Variants in RABGAP1L observed in about 807,000 individuals in gnomAD.
RABGAP1L encodes rab GTPase-activating protein 1-like.
In RABGAP1L, 63 loss-of-function variants were observed where a neutral mutation model predicts 137.7. The ratio of observed to expected loss-of-function variants is 0.46; its 90% CI spans 0.37 to 0.56. RABGAP1L has a LOEUF of 0.56. RABGAP1L is among the 20% of genes least tolerant of loss of function. The pLI is 0.00. For synonymous variants in RABGAP1L, 431 were observed against 433.7 expected, an observed-to-expected ratio of 0.99 and a Z score of 0.08; for missense variants, 1,095 against 1,244.0, an observed-to-expected ratio of 0.88 and a Z score of 1.80.
intron 13 of RABGAP1L, among the ~76,000 whole-genome samples, chr1:174,616,937 G>T (rs1036469014): frequency 3.9e-5 from 6 of 152,168 alleles, no homozygotes; most frequent in African/African-American, 1.4e-4. Context: ...CTTTAATAAA[G>T]ATCCAGGAGA....
intron 14 of RABGAP1L, among the ~76,000 whole-genome samples, chr1:174,677,585 G>A (rs16847325): frequency 0.011 from 1,742 of 152,284 alleles, 38 homozygotes; most frequent in African/African-American, 0.037. Context: ...TGCCTTGGTA[G>A]CATAACCCCA....
chr1:174,491,235 A>G (rs1166785930), intron 13 of RABGAP1L, among the ~76,000 whole-genome samples: 1 of 152,110 alleles, frequency 6.6e-6, no homozygotes, highest in African/African-American at 2.4e-5. Context: ...GGCATACTCC[A>G]TGAGTATTGC....
chr1:174,577,520 G>A (rs1668471875), intron 13 of RABGAP1L, among the ~76,000 whole-genome samples: 1 of 151,990 alleles, frequency 6.6e-6, no homozygotes, highest in Non-Finnish European at 1.5e-5. Context: ...CACCACTGAG[G>A]ATCCAGCAGA....
intron 11 of RABGAP1L, among the ~76,000 whole-genome samples, chr1:174,361,226 T>G (rs983622634): frequency 1.2e-4 from 8 of 64,228 alleles, no homozygotes; most frequent in Admixed American, 7.4e-4. Context: ...TCCAGTTTTG[T>G]TTTTTTTTTT....
intron 19 of RABGAP1L, among the ~76,000 whole-genome samples, chr1:174,815,384 C>T (rs923827114): frequency 1.3e-5 from 2 of 152,186 alleles, no homozygotes; most frequent in African/African-American, 4.8e-5. Context: ...AAGTTTAACT[C>T]CTTATCCATA....
At chr1:174,941,943 T>C (rs1260190396) in intron 19 of RABGAP1L, among the ~76,000 whole-genome samples, 2 of 152,184 alleles carry the variant, frequency 1.3e-5, no homozygotes, top group East Asian at 1.9e-4. Context: ...TTTCTTTGTA[T>C]CCCACATAGC....
At chr1:174,699,439 A>C in intron 15 of RABGAP1L, 86 bp from the exon 16 acceptor site, 1 of 1,268,962 alleles carries the variant, frequency 7.9e-7, no homozygotes, top group Non-Finnish European at 1.1e-6. Context: ...CTACTTATGC[A>C]GAGGACTAAT....
intron 11 of RABGAP1L, among the ~76,000 whole-genome samples, chr1:174,306,201 T>C (rs1003295313): frequency 1.9e-4 from 29 of 152,220 alleles, no homozygotes; most frequent in African/African-American, 6.0e-4. Flanking sequence ...TCTTTGCTAT[T>C]GTGAGTAGTG....
chr1:174,832,074 C>T (rs1001826370), intron 19 of RABGAP1L, among the ~76,000 whole-genome samples: 25 of 147,648 alleles, frequency 1.7e-4, no homozygotes, highest in African/African-American at 5.9e-4. Context: ...AGACGGATCA[C>T]CTGAGGCCAG....
At chr1:174,711,404 C>T (rs905076307) in intron 17 of RABGAP1L, among the ~76,000 whole-genome samples, 14 of 150,346 alleles carry the variant, frequency 9.3e-5, no homozygotes, top group African/African-American at 3.4e-4. Context: ...GAGGGAGAGG[C>T]GTGGGTGGGA....
At chr1:174,221,711 A>G (rs1368155688) in intron 3 of RABGAP1L, among the ~76,000 whole-genome samples, 2 of 152,210 alleles carry the variant, frequency 1.3e-5, no homozygotes, top group African/African-American at 4.8e-5. Flanking sequence ...CACCACAGGT[A>G]TAATTTGATC....
intron 13 of RABGAP1L, among the ~76,000 whole-genome samples, chr1:174,527,901 C>CTTTTTTTTTTTTTTTTTTTTTCTTT (rs57707616): frequency 8.0e-6 from 1 of 124,850 alleles, no homozygotes; most frequent in African/African-American, 3.1e-5. Flanking sequence ...ATATACTTGT[C>CTTTTTTTTTTTTTTTTTTTTTCTTT]TTTTTTTTTT....
intron 13 of RABGAP1L, among the ~76,000 whole-genome samples, chr1:174,511,362 C>T (rs1391064332): frequency 6.6e-6 from 1 of 152,072 alleles, no homozygotes; most frequent in Non-Finnish European, 1.5e-5. Flanking sequence ...ATAAAAGATT[C>T]TAAGGCTCAT....
chr1:174,761,768 A>G lies in RABGAP1L; in HGVS notation c.2211+9414A>G, dbSNP rs1685245034. Among the ~76,000 whole-genome samples the G allele has an allele frequency of 6.6e-6, 1 of 152,194 alleles. No homozygotes were observed. Among genetic ancestry groups the G allele is most frequent in the African/African-American group, 2.4e-5 (1 of 41,446 alleles). On this transcript the variant is annotated intron_variant, in intron 18 of 25. Transcript: ENST00000681986. The surrounding 1 kb of genome is among the most constrained non-coding windows in gnomAD (Gnocchi z 4.0). ...AACAGCATGGGAAAGACCCACCACC[A>G]TGATTCAATTACATTCCACCAAGTT...
chr1:174,398,346 G>A (rs753537043), intron 13 of RABGAP1L, among the ~76,000 whole-genome samples: 2 of 152,112 alleles, frequency 1.3e-5, no homozygotes, highest in East Asian at 1.9e-4. Flanking sequence ...GGGCTGTTGC[G>A]TGGCTCAAAA....
intron 21 of RABGAP1L, among the ~76,000 whole-genome samples, chr1:174,970,679 A>T (rs1024825962): frequency 8.5e-5 from 13 of 152,178 alleles, no homozygotes; most frequent in African/African-American, 2.7e-4. Flanking sequence ...TTCATGAATG[A>T]GGAAACTATA....
chr1:174,809,850 A>T (rs1401979418), intron 18 of RABGAP1L, among the ~76,000 whole-genome samples: 2 of 152,242 alleles, frequency 1.3e-5, no homozygotes, highest in Non-Finnish European at 2.9e-5. Context: ...TTGATATTTT[A>T]GTTAGAGAGG....
chr1:174,517,580 C>T (rs1430696180), intron 13 of RABGAP1L, among the ~76,000 whole-genome samples: 2 of 152,102 alleles, frequency 1.3e-5, no homozygotes, highest in African/African-American at 4.8e-5. Context: ...TGTAGAAGTA[C>T]CTGTTAAACT....
At chr1:174,170,540 T>C (rs760086253) in intron 1 of RABGAP1L, among the ~76,000 whole-genome samples, 3 of 151,968 alleles carry the variant, frequency 2.0e-5, no homozygotes, top group Non-Finnish European at 2.9e-5. Context: ...CCAGGCGTGG[T>C]GGCATGTGCC....
Sources: gnomAD v4.1 joint callset for allele counts (sites outside exome capture counted in the v4.1 genomes callset) on GRCh38, gnomAD v4.1.1 for gene constraint, Gnocchi (gnomAD v3.1) non-coding constraint, MANE v1.5 for transcripts, NCBI Gene and HGNC (gene_info 2026-07-23, HGNC 2026-07-21) for gene names.